SLC71A2: variants seen among roughly 807,000 people sequenced by gnomAD.
The protein encoded by SLC71A2 is solute carrier family 71 member 2.
At chr9:94,406,465 C>T in the SLC71A2 span, among the ~76,000 whole-genome samples, 3 of 152,080 alleles carry the variant, frequency 2.0e-5, no homozygotes, top group Non-Finnish European at 4.4e-5. Flanking sequence ...CCTCAAACTC[C>T]CAACCTCACA....
the SLC71A2 span, among the ~76,000 whole-genome samples, chr9:94,423,355 G>C: frequency 6.6e-6 from 1 of 151,268 alleles, no homozygotes; most frequent in African/African-American, 2.4e-5. Flanking sequence ...CTACGATTAA[G>C]GTGACCTTTA....
the SLC71A2 span, among the ~76,000 whole-genome samples, chr9:94,414,694 A>G: frequency 3.9e-5 from 6 of 152,094 alleles, no homozygotes; most frequent in African/African-American, 7.2e-5. Context: ...GAGTCTTGCT[A>G]TGTCACCCAG....
the SLC71A2 span, among the ~76,000 whole-genome samples, chr9:94,418,889 T>C: frequency 7.9e-5 from 12 of 151,784 alleles, no homozygotes; most frequent in Non-Finnish European, 2.9e-5. Context: ...CCACCACACC[T>C]GGTCTCTTCT....
the SLC71A2 span, chr9:94,444,829 T>C: frequency 1.4e-6 from 1 of 697,936 alleles, no homozygotes; most frequent in South Asian, 1.7e-5. Flanking sequence ...TGGCTGCAGG[T>C]ATGCACCTGT....
chr9:94,375,365 G>A, the SLC71A2 span, among the ~76,000 whole-genome samples: 1 of 151,818 alleles, frequency 6.6e-6, no homozygotes, highest in South Asian at 2.1e-4. Flanking sequence ...TCGGAGGGGC[G>A]GTCCTAGCGA....
the SLC71A2 span, chr9:94,459,252 A>G: frequency 3.1e-6 from 5 of 1,614,168 alleles, no homozygotes; most frequent in Admixed American, 1.7e-5. Context: ...GAATACAGTA[A>G]AGCCAGTGGA....
chr9:94,379,045 G>T, the SLC71A2 span, among the ~76,000 whole-genome samples: 1 of 133,202 alleles, frequency 7.5e-6, no homozygotes, highest in African/African-American at 2.9e-5. Flanking sequence ...TAATGACCTC[G>T]TAGGCTCTTT....
chr9:94,460,846 CAT>C, the SLC71A2 span: 6 of 152,080 alleles, frequency 3.9e-5, no homozygotes, highest in African/African-American at 7.3e-5. Flanking sequence ...ACAGAGATAA[CAT>C]ATCTTTTTAC....
chr9:94,444,131 A>T, the SLC71A2 span, among the ~76,000 whole-genome samples: 1 of 152,224 alleles, frequency 6.6e-6, no homozygotes, highest in Non-Finnish European at 1.5e-5. Flanking sequence ...AAGCTAACTT[A>T]TAGATATGCA....
At chr9:94,404,286 T>G in the SLC71A2 span, among the ~76,000 whole-genome samples, 1 of 152,100 alleles carries the variant, frequency 6.6e-6, no homozygotes, top group South Asian at 2.1e-4. Context: ...TATCTTTTCT[T>G]TTTTCTTTCT....
chr9:94,378,395 C>T, the SLC71A2 span, among the ~76,000 whole-genome samples: 7 of 152,160 alleles, frequency 4.6e-5, no homozygotes, highest in African/African-American at 7.2e-5. Flanking sequence ...ATCTTGGCCG[C>T]GTGCGGTGGA....
chr9:94,444,533 T>C, the SLC71A2 span, among the ~76,000 whole-genome samples: 1 of 152,314 alleles, frequency 6.6e-6, no homozygotes, highest in African/African-American at 2.4e-5. Flanking sequence ...AGCACAGTAC[T>C]TGAGTAGTTT....
the SLC71A2 span, among the ~76,000 whole-genome samples, chr9:94,414,396 TG>T: frequency 6.6e-6 from 1 of 152,306 alleles, no homozygotes; most frequent in South Asian, 2.1e-4. Context: ...TAAACATCTC[TG>T]GAATTGAGAT....
chr9:94,398,994 T>C, the SLC71A2 span, among the ~76,000 whole-genome samples: 605 of 148,468 alleles, frequency 4.1e-3, 3 homozygotes, highest in African/African-American at 0.015. Context: ...TTTTGTATTT[T>C]TAGTAGAGAT....
chr9:94,444,912 C>T, the SLC71A2 span: 2 of 1,531,806 alleles, frequency 1.3e-6, no homozygotes, highest in Non-Finnish European at 1.8e-6. Context: ...GATATGCTTT[C>T]CCCAGAGGTG....
At chr9:94,443,575 A>G in the SLC71A2 span, among the ~76,000 whole-genome samples, 1 of 152,198 alleles carries the variant, frequency 6.6e-6, no homozygotes, top group Admixed American at 6.5e-5. Context: ...GTCATTCTTT[A>G]GATTTATTCA....
the SLC71A2 span, among the ~76,000 whole-genome samples, chr9:94,406,516 G>A: frequency 6.6e-6 from 1 of 152,148 alleles, no homozygotes; most frequent in Non-Finnish European, 1.5e-5. Context: ...TGGGATTACA[G>A]GAGTGAGCCA....
At chr9:94,390,704 T>C in the SLC71A2 span, among the ~76,000 whole-genome samples, 1 of 152,236 alleles carries the variant, frequency 6.6e-6, no homozygotes, top group Non-Finnish European at 1.5e-5. Flanking sequence ...TTTTGAAATA[T>C]GTAATACTTT....
At chr9:94,384,171 C>T in the SLC71A2 span, among the ~76,000 whole-genome samples, 31 of 152,202 alleles carry the variant, frequency 2.0e-4, no homozygotes, top group African/African-American at 7.2e-4. Context: ...TCCTCCCATT[C>T]CCTGACAACC....
Sources: allele counts gnomAD v4.1 joint callset (sites outside exome capture counted in the v4.1 genomes callset), GRCh38; gene constraint gnomAD v4.1.1; transcripts MANE v1.5; gene names NCBI Gene and HGNC (gene_info 2026-07-23, HGNC 2026-07-21).